CCDC191: variants seen among roughly 807,000 people sequenced by gnomAD.
The protein encoded by CCDC191 is coiled-coil domain containing 191, also known as coiled-coil domain-containing protein 191.
Under a neutral mutation model 114.0 loss-of-function variants are expected in CCDC191, and 99 were observed. That is an observed-to-expected ratio of 0.87 (90% CI 0.74 to 1.03). The LOEUF (loss-of-function observed/expected upper bound fraction) is 1.03, where lower values mean the gene tolerates loss of function less well. Ranked by LOEUF, CCDC191 falls within the 50% of genes least tolerant of loss-of-function variation. The pLI is 0.00. For missense variants in CCDC191, 973 were observed against 1,087.0 expected (o/e 0.90, Z 1.47); for synonymous variants, 351 against 376.0 (o/e 0.93, Z 0.77).
At position 114,001,652 on chromosome 3, in the gene CCDC191, T is replaced by C. The variant is rs1352024461; in HGVS notation, c.2106A>G (p.Ala702=). 1 of 1,613,836 alleles carries C rather than the reference T, an allele frequency of 6.2e-7. No individual in the cohort carries two copies. The highest frequency in any genetic ancestry group is 8.5e-7 in the Non-Finnish European group (1 of 1,179,842). ...TTTCAAGCTGTGCCTCCTTTTCTTC[T>C]GCCTCCCTTTTCTGACGTTCCTCCT... The part of the protein sequence containing the change: ...AQEEERQKRE[A]EEKEAQLERK... The change falls in exon 13 of 17, where the codon GCA becomes GCG. Residue 702 remains alanine (A), a synonymous_variant. Coordinates refer to ENST00000295878, the MANE Select transcript of CCDC191 (RefSeq NM_020817.2).
intron 16 of CCDC191, among the ~76,000 whole-genome samples, chr3:113,966,520 A>C (rs532764249): frequency 4.6e-5 from 7 of 152,284 alleles, no homozygotes; most frequent in East Asian, 3.9e-4. Flanking sequence ...GTCTGAACTG[A>C]ATTTTTGTCA....
chr3:113,976,776 G>A (rs2107596682), intron 16 of CCDC191, among the ~76,000 whole-genome samples: 1 of 152,274 alleles, frequency 6.6e-6, no homozygotes. Context: ...TTTTATGAGA[G>A]AGGAACAGGG....
chr3:114,026,635 T>C (rs1362594006), intron 7 of CCDC191, among the ~76,000 whole-genome samples: 1 of 152,212 alleles, frequency 6.6e-6, no homozygotes, highest in Non-Finnish European at 1.5e-5. Flanking sequence ...AAAGGAATCA[T>C]GGTATATAAA....
At chr3:114,056,276 A>T in intron 1 of CCDC191, 101 bp downstream of exon 1, 2 of 1,107,906 alleles carry the variant, frequency 1.8e-6, no homozygotes, top group East Asian at 4.7e-5. Flanking sequence ...GTGTCAGCTC[A>T]GGATGAAGAG....
intron 15 of CCDC191, 99 bp downstream of exon 15, chr3:113,978,757 GAA>G: frequency 7.6e-7 from 1 of 1,308,726 alleles, no homozygotes. Context: ...TTTTGTTCTT[GAA>G]AAAACATAAT....
intron 13 of CCDC191, among the ~76,000 whole-genome samples, chr3:113,981,001 G>A (rs1248074456): frequency 6.6e-6 from 1 of 152,116 alleles, no homozygotes; most frequent in Non-Finnish European, 1.5e-5. Flanking sequence ...GAGTCTACAA[G>A]AATCAGGGCT....
At chr3:114,003,281 C>A (rs1484963325) in intron 11 of CCDC191, 2 of 985,274 alleles carry the variant, frequency 2.0e-6, no homozygotes, top group Non-Finnish European at 2.4e-6. Context: ...AAGTTCTGCT[C>A]ACCTAAGCCA....
At chr3:114,055,535 C>T (rs142330611) in intron 1 of CCDC191, among the ~76,000 whole-genome samples, 6 of 152,280 alleles carry the variant, frequency 3.9e-5, no homozygotes, top group African/African-American at 1.4e-4. Flanking sequence ...CTGGGGCCCT[C>T]AAAAAGGCCA....
chr3:113,980,725 A>C lies in CCDC191; in HGVS notation c.2232T>G (p.Tyr744Ter). The C allele has an allele frequency of 6.2e-7, 1 of 1,610,392 alleles. No individual in the cohort carries two copies. The highest frequency in any genetic ancestry group is 8.5e-7 in the Non-Finnish European group (1 of 1,178,846). ...QQLEAIAKEH[Y>*]ERVLLRKKGL... ...CTTTTTTCCTTAGCAAGACCCTTTC[A>C]TAATGTTCTTTGGCTATTGCTTCCA... The change falls in exon 14 of 17, where the codon TAT becomes TAG. Residue 744 changes from tyrosine to a stop codon, truncating the protein, a stop_gained. Coordinates refer to ENST00000295878, the MANE Select transcript of CCDC191 (RefSeq NM_020817.2). LOFTEE classifies it high-confidence loss of function.
chr3:114,028,275 ATTT>A (rs920211150), intron 7 of CCDC191, among the ~76,000 whole-genome samples: 9 of 126,846 alleles, frequency 7.1e-5, no homozygotes, highest in Admixed American at 1.7e-4. Context: ...AATTCTAAAA[ATTT>A]TTTTTTTTTT....
intron 13 of CCDC191, among the ~76,000 whole-genome samples, chr3:113,991,023 G>A (rs2075541388): frequency 6.6e-6 from 1 of 150,484 alleles, no homozygotes. Flanking sequence ...GGATCACAAG[G>A]TTAAAAGTTC....
chr3:114,013,188 G>A (rs1310433714), intron 8 of CCDC191, among the ~76,000 whole-genome samples: 1 of 152,046 alleles, frequency 6.6e-6, no homozygotes, highest in Non-Finnish European at 1.5e-5. Context: ...GGAAATTGCA[G>A]TGAGCCGAGA....
At chr3:114,007,264 G>GC (rs2075986900) in intron 9 of CCDC191, among the ~76,000 whole-genome samples, 1 of 152,134 alleles carries the variant, frequency 6.6e-6, no homozygotes, top group South Asian at 2.1e-4. Context: ...TCTGCCATCT[G>GC]CAATGGCTTA....
chr3:114,054,505 C>T (rs1364720593), intron 1 of CCDC191, among the ~76,000 whole-genome samples: 5 of 152,016 alleles, frequency 3.3e-5, no homozygotes, highest in Non-Finnish European at 5.9e-5. Flanking sequence ...GGCGTGGTGG[C>T]GGGTGCCTGT....
chr3:113,977,153 C>A (rs898564678), intron 16 of CCDC191, among the ~76,000 whole-genome samples: 1 of 152,050 alleles, frequency 6.6e-6, no homozygotes, highest in Non-Finnish European at 1.5e-5. Context: ...AAAAATTAGC[C>A]GGGTGTCGTG....
rs542893184 is a variant in CCDC191, at chr3:114,033,657, A to G, written c.818+1268T>C. Among the ~76,000 whole-genome samples, 8 of 152,346 alleles carry G rather than the reference A, an allele frequency of 5.3e-5. No individual in the cohort carries two copies. In the South Asian group the frequency reaches 1.7e-3, roughly 32 times the overall value. On this transcript the variant is annotated intron_variant, in intron 6 of 16. Coordinates refer to ENST00000295878, the MANE Select transcript of CCDC191 (RefSeq NM_020817.2). ...ACTGTGAGCAGAGCATCCTACTACCATTAAACGTTACTTGTTTTCACAATT... is the reference window on the plus strand; with the variant it reads ...ACTGTGAGCAGAGCATCCTACTACCGTTAAACGTTACTTGTTTTCACAATT...
In CCDC191 at chr3:113,980,776, C is replaced by T. The variant is rs755722371; in HGVS notation, c.2181G>A (p.Gln727=). Residue 727 remains glutamine, a synonymous_variant, in exon 14 of 17, where the codon CAG becomes CAA. Coordinates refer to ENST00000295878, the MANE Select transcript of CCDC191 (RefSeq NM_020817.2). The part of the protein sequence containing the change: ...RLKKMKELEK[Q]KRIKRNQQLE... ...GCTGCTGGTTCCTCTTAATTCTCTT[C>T]TGCTTCTCAAGTTCTTTCTGGAAAA... The T allele has an allele frequency of 6.3e-5, 101 of 1,605,046 alleles. No individual in the cohort carries two copies.
intron 2 of CCDC191, among the ~76,000 whole-genome samples, chr3:114,051,434 T>C (rs1451185995): frequency 1.3e-5 from 2 of 152,084 alleles, no homozygotes; most frequent in East Asian, 3.9e-4. Flanking sequence ...TTTAGTACCA[T>C]AAAATATTAT....
chr3:114,006,615 T>TATATATATATATATATATATAA (rs1371654689), intron 9 of CCDC191, among the ~76,000 whole-genome samples: 59 of 84,720 alleles, frequency 7.0e-4, no homozygotes, highest in Middle Eastern at 7.7e-3. Context: ...TATATATATA[T>TATATATATATATATATATATAA]ATAAATATAT....
Sources: gnomAD v4.1 joint callset for allele counts (sites outside exome capture counted in the v4.1 genomes callset) on GRCh38, gnomAD v4.1.1 for gene constraint, MANE v1.5 for transcripts, NCBI Gene and HGNC (gene_info 2026-07-23, HGNC 2026-07-21) for gene names.